ZNF875: variants seen among roughly 807,000 people sequenced by gnomAD.
The protein encoded by ZNF875 is zinc finger protein 875, also known as HKR1, GLI-Kruppel zinc finger family member.
ZNF875 carries 14 observed loss-of-function variants against 11.2 expected under a neutral mutation model. The observed-to-expected ratio is 1.26, with a 90% CI of 0.83 to 1.96. The LOEUF (loss-of-function observed/expected upper bound fraction) is 1.96. ZNF875 is among the 30% of genes most tolerant of loss of function. The pLI, the probability that ZNF875 is intolerant of heterozygous loss-of-function variation, is 0.00. For synonymous variants in ZNF875, 301 were observed against 281.1 expected (o/e 1.07, Z -0.71); for missense variants, 752 against 760.4 (o/e 0.99, Z 0.13).
At chr19:37,326,122 G>A (rs2032392812) in intron 4 of ZNF875, among the ~76,000 whole-genome samples, 1 of 152,144 alleles carries the variant, frequency 6.6e-6, no homozygotes. Flanking sequence ...GATTACAGAT[G>A]TGAGCCACCA....
At chr19:37,329,279 G>A (rs1484789104) in intron 4 of ZNF875, among the ~76,000 whole-genome samples, 4 of 152,114 alleles carry the variant, frequency 2.6e-5, no homozygotes, top group Non-Finnish European at 5.9e-5. Context: ...CCCAGCTTGG[G>A]TATCTGGTGA....
chr19:37,314,765 AAAAG>A (rs1171651080), upstream of ZNF875: 8 of 152,084 alleles, frequency 5.3e-5, no homozygotes, highest in East Asian at 1.9e-4. Context: ...AAAAAAAAAA[AAAAG>A]AAGAAGAAGT....
At chr19:37,361,910 GT>G in intron 4 of ZNF875, 198 bp from the exon 5 acceptor site, 1 of 503,654 alleles carries the variant, frequency 2.0e-6, no homozygotes, top group Non-Finnish European at 3.3e-6. Flanking sequence ...GAAAGACTCC[GT>G]TTAAAAAAAA....
At chr19:37,350,935 G>T (rs2037781700) in intron 4 of ZNF875, among the ~76,000 whole-genome samples, 1 of 150,694 alleles carries the variant, frequency 6.6e-6, no homozygotes, top group Non-Finnish European at 1.5e-5. Flanking sequence ...CTCCTGAGTA[G>T]CTGGGACTAC....
rs2040430682 is a variant in ZNF875 at position 37,364,116 on chromosome 19, A to G, written c.*341A>G. 1 of 262,868 alleles carries G rather than the reference A, an allele frequency of 3.8e-6. No individual in the cohort carries two copies. Among genetic ancestry groups the G allele is most frequent in the South Asian group, 7.3e-5 (1 of 13,630 alleles). 16.3% of individuals were successfully genotyped at this position (262,868 alleles called of 1,614,324 possible). A position where few individuals can be genotyped will look rare whatever the true frequency, so the allele number is the denominator to read the frequency against. On this transcript the variant is annotated 3_prime_UTR_variant, in exon 5 of 5. Coordinates refer to ENST00000392153, the MANE Select transcript of ZNF875 (RefSeq NM_001353803.2). ...GAAACCCAACCTTAAAGCTGAAGAC[A>G]GTCCCGGCTAAATCCTCATACTGAA...
At chr19:37,323,588 A>G (rs1309936649) in intron 3 of ZNF875, 1 of 152,238 alleles carries the variant, frequency 6.6e-6, no homozygotes, top group African/African-American at 2.4e-5. Flanking sequence ...TCACCTTTCA[A>G]TAGTTACACC....
chr19:37,336,330 C>T (rs62109239), intron 2 of ZNF875, among the ~76,000 whole-genome samples: 4,457 of 143,110 alleles, frequency 0.031, 102 homozygotes, highest in Non-Finnish European at 0.05. Context: ...GACCGAGTCT[C>T]ACTCTGTCAT....
intron 4 of ZNF875, among the ~76,000 whole-genome samples, chr19:37,326,664 CT>C (rs35805509): frequency 0.025 from 2,157 of 87,964 alleles, 11 homozygotes; most frequent in African/African-American, 0.082. Context: ...AATTAGAAAG[CT>C]TTTTTTTTTT....
At chr19:37,355,152 A>G (rs1335867567) in intron 4 of ZNF875, among the ~76,000 whole-genome samples, 4 of 151,922 alleles carry the variant, frequency 2.6e-5, no homozygotes, top group Admixed American at 2.0e-4. Context: ...GTATATGTAT[A>G]TGTATGTTCA....
chr19:37,322,941 G>A (rs1318416077), intron 2 of ZNF875, among the ~76,000 whole-genome samples: 2 of 151,942 alleles, frequency 1.3e-5, no homozygotes, highest in African/African-American at 4.8e-5. Context: ...CCACCTCCAC[G>A]AAAATCTGGA....
upstream of ZNF875, among the ~76,000 whole-genome samples, chr19:37,316,263 C>T (rs1373722632): frequency 1.3e-5 from 2 of 152,258 alleles, no homozygotes; most frequent in Non-Finnish European, 2.9e-5. Flanking sequence ...GAAACGTGCA[C>T]ATTGTCCTAG....
At chr19:37,327,388 T>A (rs1019083730) in intron 4 of ZNF875, among the ~76,000 whole-genome samples, 3 of 152,232 alleles carry the variant, frequency 2.0e-5, no homozygotes, top group Non-Finnish European at 2.9e-5. Flanking sequence ...AATATCTCAC[T>A]GTGTGTTGCT....
intron 4 of ZNF875, among the ~76,000 whole-genome samples, chr19:37,352,218 AG>A (rs1256736477): frequency 7.1e-4 from 104 of 147,208 alleles, no homozygotes; most frequent in African/African-American, 2.5e-3. Flanking sequence ...TAGCTACTCC[AG>A]GCTTTTTTTT....
intron 1 of ZNF875, among the ~76,000 whole-genome samples, chr19:37,318,586 A>G (rs965100566): frequency 6.7e-6 from 1 of 149,054 alleles, no homozygotes; most frequent in African/African-American, 2.5e-5. Context: ...CAGTGGCGTG[A>G]TCTCGAGTCA....
chr19:37,345,000 A>G (rs1403575396), intron 2 of ZNF875: 4 of 470,088 alleles, frequency 8.5e-6, no homozygotes, highest in African/African-American at 7.9e-5. Flanking sequence ...GAACACTCAC[A>G]TACCCATCAC....
At chr19:37,323,014 G>T (rs1196480649) in intron 2 of ZNF875, among the ~76,000 whole-genome samples, 2 of 151,722 alleles carry the variant, frequency 1.3e-5, no homozygotes, top group East Asian at 1.9e-4. Context: ...TGGAAACCCC[G>T]CCCTGAGTTT....
intron 4 of ZNF875, among the ~76,000 whole-genome samples, chr19:37,361,105 TCTC>T (rs1318724243): frequency 1.4e-5 from 2 of 147,988 alleles, no homozygotes; most frequent in Non-Finnish European, 3.0e-5. Flanking sequence ...TTGTTTGTCT[TCTC>T]CTTTTTTTTT....
upstream of ZNF875, among the ~76,000 whole-genome samples, chr19:37,330,744 T>C (rs2033241229): frequency 6.6e-6 from 1 of 152,190 alleles, no homozygotes; most frequent in African/African-American, 2.4e-5. Context: ...CTTTAATAAC[T>C]TTTTTGACTC....
chr19:37,325,403 C>A (rs370200908), intron 4 of ZNF875, among the ~76,000 whole-genome samples: 3 of 152,056 alleles, frequency 2.0e-5, no homozygotes, highest in Admixed American at 6.5e-5. Flanking sequence ...CAGACACATA[C>A]GTCATTTTAG....
Sources: allele counts gnomAD v4.1 joint callset (sites outside exome capture counted in the v4.1 genomes callset), GRCh38; gene constraint gnomAD v4.1.1; transcripts MANE v1.5; gene names NCBI Gene and HGNC (gene_info 2026-07-23, HGNC 2026-07-21).